Variants in ARHGAP32 observed in about 807,000 individuals in gnomAD.
The protein encoded by ARHGAP32 is rho GTPase-activating protein 32.
Under a neutral mutation model 186.5 loss-of-function variants are expected in ARHGAP32, and 51 were observed. The observed-to-expected ratio is 0.27, with a 90% CI of 0.22 to 0.35. The LOEUF (loss-of-function observed/expected upper bound fraction) is 0.35. ARHGAP32 is among the 10% of genes least tolerant of loss of function. The pLI, the probability that ARHGAP32 is intolerant of heterozygous loss-of-function variation, is 1.00. For synonymous variants in ARHGAP32, 950 were observed against 964.3 expected (o/e 0.99, Z 0.27); for missense variants, 2,186 against 2,623.5 (o/e 0.83, Z 3.64).
intron 2 of ARHGAP32, among the ~76,000 whole-genome samples, chr11:129,147,550 A>C (rs1403750741): frequency 6.6e-6 from 1 of 152,188 alleles, no homozygotes; most frequent in African/African-American, 2.4e-5. Flanking sequence ...CTTTTGATTC[A>C]GCTATTTTAC....
At position 129,100,757 on chromosome 11, in the gene ARHGAP32, C is replaced by T. The variant is rs751159651; in HGVS notation, c.445-7050G>A. Among the ~76,000 whole-genome samples the T allele has an allele frequency of 1.1e-4, 16 of 152,166 alleles. No homozygotes were observed. In the Middle Eastern group the frequency reaches 0.024, roughly 228 times the overall value. On this transcript the variant is annotated intron_variant, in intron 5 of 22. Transcript: ENST00000682385. ...CTGCTTATGTGGCACAGAGAAGGCA[C>T]CTAGACCTGCGCCCACCAGCTCCCA...
At position 129,230,415 on chromosome 11, in the gene ARHGAP32, A is replaced by T. The variant is rs534399758; in HGVS notation, c.-5+48731T>A. Among the ~76,000 whole-genome samples, 283 of 152,248 alleles carry T rather than the reference A, an allele frequency of 1.9e-3. 4 individuals are homozygous for T. The highest frequency in any genetic ancestry group is 6.7e-3 in the African/African-American group (278 of 41,550). On this transcript the variant is annotated intron_variant, in intron 1 of 6. Transcript: ENST00000525234. The stretch of plus-strand genomic sequence containing the variant: ...GGAAGCATTTGTCTTTCCTCTCCCT[A>T]ATCTCTCTCATTTGAGTTTACAGTG...
intron 20 of ARHGAP32, among the ~76,000 whole-genome samples, chr11:128,975,678 ACTCT>A (rs893690244): frequency 1.3e-5 from 2 of 152,066 alleles, no homozygotes; most frequent in African/African-American, 2.4e-5. Flanking sequence ...TAAAAAAGAA[ACTCT>A]CTATTCTATT....
At chr11:129,045,294 G>A (rs1361568572) in intron 10 of ARHGAP32, among the ~76,000 whole-genome samples, 1 of 152,178 alleles carries the variant, frequency 6.6e-6, no homozygotes, top group African/African-American at 2.4e-5. Flanking sequence ...TTGACCATAA[G>A]TGAAAAGCTG....
intron 5 of ARHGAP32, among the ~76,000 whole-genome samples, chr11:129,099,586 TG>T (rs1321388515): frequency 6.6e-6 from 1 of 151,242 alleles, no homozygotes; most frequent in Non-Finnish European, 1.5e-5. Context: ...AGATTGAAAG[TG>T]GAAGGATGGA....
At chr11:129,229,531 T>C (rs1312394436) in intron 1 of ARHGAP32, among the ~76,000 whole-genome samples, 1 of 152,140 alleles carries the variant, frequency 6.6e-6, no homozygotes, top group African/African-American at 2.4e-5. Context: ...CTATGTTAAG[T>C]CTATACCACC....
chr11:129,028,678 G>T (rs1458534589), intron 11 of ARHGAP32, among the ~76,000 whole-genome samples: 1 of 152,212 alleles, frequency 6.6e-6, no homozygotes, highest in Non-Finnish European at 1.5e-5. Flanking sequence ...CACTTATGAA[G>T]AAAGTACAAT....
At chr11:129,100,410 T>A (rs1470610711) in intron 5 of ARHGAP32, among the ~76,000 whole-genome samples, 4 of 152,176 alleles carry the variant, frequency 2.6e-5, no homozygotes, top group African/African-American at 9.7e-5. Context: ...TGGTGGACCA[T>A]GCCTGACCTG....
chr11:129,208,604 G>T (rs943366696), intron 1 of ARHGAP32, among the ~76,000 whole-genome samples: 1 of 151,526 alleles, frequency 6.6e-6, no homozygotes, highest in Non-Finnish European at 1.5e-5. Context: ...ATCATGCATT[G>T]CTTGTTTGGC....
chr11:129,225,382 T>C (rs955876047), intron 1 of ARHGAP32, among the ~76,000 whole-genome samples: 21 of 152,080 alleles, frequency 1.4e-4, no homozygotes, highest in African/African-American at 5.1e-4. Flanking sequence ...AAGGAAGTGA[T>C]GGCTAAGCAA....
chr11:129,012,915 C>T lies in ARHGAP32; in HGVS notation c.1046-14447G>A, dbSNP rs546343423. ...TCTTCACAATTCAGTGGTAAGTCAA[C>T]GGAAACATATTTATAGTTATGATCC... On this transcript the variant is annotated intron_variant, in intron 11 of 22. Transcript: ENST00000682385. Among the ~76,000 whole-genome samples the T allele has an allele frequency of 3.3e-5, 5 of 152,224 alleles. 1 individual carries two copies. The highest frequency in any genetic ancestry group is 9.6e-5 in the African/African-American group (4 of 41,538).
At chr11:129,068,585 G>A (rs1373660290) in intron 6 of ARHGAP32, among the ~76,000 whole-genome samples, 1 of 152,028 alleles carries the variant, frequency 6.6e-6, no homozygotes, top group Admixed American at 6.6e-5. Context: ...AGAATTTACA[G>A]CACTGCTAAC....
chr11:128,965,371 TAAAA>T lies in ARHGAP32; in HGVS notation c.*3532_*3535del, dbSNP rs924488074. 7 of 152,008 alleles carry T rather than the reference TAAAA, an allele frequency of 4.6e-5. No individual in the cohort carries two copies. Among genetic ancestry groups the T allele is most frequent in the African/African-American group, 1.7e-4 (7 of 41,344 alleles). The allele number at this position is 152,008 out of a possible 1,614,324, so 9.4% of individuals were successfully genotyped here. ...ACCAGTTCACAAAAATATTAAGACA[TAAAA>T]AAACACTATATAAATTAAAATTAAA... On this transcript the variant is annotated 3_prime_UTR_variant, in exon 23 of 23. Transcript: ENST00000682385.
intron 6 of ARHGAP32, among the ~76,000 whole-genome samples, chr11:129,085,687 T>C (rs1329401488): frequency 6.6e-6 from 1 of 152,040 alleles, no homozygotes; most frequent in Non-Finnish European, 1.5e-5. Flanking sequence ...AGGCTGACAC[T>C]ACCAGACCTC....
chr11:128,973,448 G>GA lies in ARHGAP32; in HGVS notation c.3074-17dup, dbSNP rs746852402. ...GTAACTGCTCCTAGTGGGAAATTGG[G>GA]AAAAAAAATGAGAGTGAAAAGGTAG... On this transcript the variant is annotated splice_polypyrimidine_tract_variant and intron_variant, in intron 21 of 22. Transcript: ENST00000682385. 70 of 1,599,418 alleles carry GA rather than the reference G, an allele frequency of 4.4e-5. 1 individual carries two copies. The Admixed American group carries it at 5.8e-4, about 13-fold the overall frequency.
At chr11:128,975,323 GT>G (rs937956981) in intron 20 of ARHGAP32, among the ~76,000 whole-genome samples, 2 of 152,216 alleles carry the variant, frequency 1.3e-5, no homozygotes, top group Non-Finnish European at 2.9e-5. Context: ...CTTTGGGCAA[GT>G]TTTTCATTTC....
intron 2 of ARHGAP32, among the ~76,000 whole-genome samples, chr11:129,151,038 T>C (rs908121294): frequency 6.6e-6 from 1 of 151,858 alleles, no homozygotes; most frequent in Non-Finnish European, 1.5e-5. Context: ...GGAAAAGATA[T>C]TCCACACAGA....
chr11:129,250,139 C>T (rs1257791396), intron 1 of ARHGAP32, among the ~76,000 whole-genome samples: 1 of 152,042 alleles, frequency 6.6e-6, no homozygotes, highest in Non-Finnish European at 1.5e-5. Context: ...ACTGCTTGAG[C>T]ACAAGAGGTT....
intron 1 of ARHGAP32, 23 bp downstream of exon 1, chr11:129,192,059 AG>A: frequency 6.4e-7 from 1 of 1,563,766 alleles, no homozygotes; most frequent in Non-Finnish European, 8.8e-7. Context: ...GACAGGACAA[AG>A]GAACTGTGAA....
Sources: allele counts gnomAD v4.1 joint callset (sites outside exome capture counted in the v4.1 genomes callset), GRCh38; gene constraint gnomAD v4.1.1; transcripts MANE v1.5; gene names NCBI Gene and HGNC (gene_info 2026-07-23, HGNC 2026-07-21).